The following GPR158 variants were observed in gnomAD, a reference collection of about 807,000 sequenced individuals.
GPR158 encodes the protein G protein-coupled receptor 158.
A neutral mutation model predicts 78.2 loss-of-function variants in GPR158; 30 were observed. The ratio of observed to expected loss-of-function variants is 0.38; its 90% confidence interval spans 0.29 to 0.52. GPR158 has a LOEUF of 0.52. Ranked by LOEUF, GPR158 falls within the 20% of genes least tolerant of loss-of-function variation. The probability of loss-of-function intolerance (pLI) is 0.83; values close to 1 mark genes in which losing one functional copy is unlikely to be tolerated. For missense variants in GPR158, 1,463 were observed against 1,523.5 expected (o/e 0.96, Z 0.66); for synonymous variants, 581 against 591.1 (o/e 0.98, Z 0.25).
intron 4 of GPR158, among the ~76,000 whole-genome samples, chr10:25,431,069 A>T (rs1002318382): frequency 7.0e-6 from 1 of 142,926 alleles, no homozygotes; most frequent in African/African-American, 2.6e-5. Context: ...ATCAGAGTGA[A>T]CAGGCAACCT....
chr10:25,326,027 T>C (rs1855025823), intron 2 of GPR158, among the ~76,000 whole-genome samples: 1 of 152,292 alleles, frequency 6.6e-6, no homozygotes, highest in East Asian at 1.9e-4. Flanking sequence ...TGTGCCATGA[T>C]GGTTTGCTGC....
At chr10:25,410,681 A>G (rs1834571410) in intron 3 of GPR158, among the ~76,000 whole-genome samples, 1 of 152,198 alleles carries the variant, frequency 6.6e-6, no homozygotes, top group South Asian at 2.1e-4. Flanking sequence ...ATAAATAAGT[A>G]AACTAAGACC....
At chr10:25,294,305 C>T (rs947557778) in intron 2 of GPR158, among the ~76,000 whole-genome samples, 1 of 151,876 alleles carries the variant, frequency 6.6e-6, no homozygotes, top group Non-Finnish European at 1.5e-5. Context: ...TGAGTCATAA[C>T]CATGTAACAG....
At chr10:25,433,609 G>A (rs1360504829) in intron 4 of GPR158, among the ~76,000 whole-genome samples, 1 of 151,558 alleles carries the variant, frequency 6.6e-6, no homozygotes, top group Non-Finnish European at 1.5e-5. Flanking sequence ...GAATGTCAAG[G>A]TGGTGGTAAG....
At chr10:25,422,853 C>CCA (rs1554802455) in intron 4 of GPR158, among the ~76,000 whole-genome samples, 9 of 144,782 alleles carry the variant, frequency 6.2e-5, no homozygotes, top group Non-Finnish European at 3.0e-5. Context: ...TTCCCTTACC[C>CCA]CCCCCACACT....
chr10:25,332,806 T>C (rs896912263), intron 2 of GPR158, among the ~76,000 whole-genome samples: 1 of 152,204 alleles, frequency 6.6e-6, no homozygotes, highest in East Asian at 1.9e-4. Flanking sequence ...ACACTAATCT[T>C]AGAAATAACT....
At chr10:25,198,907 ACAT>A (rs1418605832) in intron 1 of GPR158, among the ~76,000 whole-genome samples, 7 of 151,942 alleles carry the variant, frequency 4.6e-5, no homozygotes, top group Non-Finnish European at 1.0e-4. Context: ...TTGAAGTCTG[ACAT>A]CATGATGACA....
intron 5 of GPR158, among the ~76,000 whole-genome samples, chr10:25,524,895 C>T (rs1836327744): frequency 6.6e-6 from 1 of 152,110 alleles, no homozygotes; most frequent in Non-Finnish European, 1.5e-5. Flanking sequence ...TGATAAGGGA[C>T]TTATATCCAG....
intron 5 of GPR158, among the ~76,000 whole-genome samples, chr10:25,485,221 G>A (rs1588883548): frequency 2.0e-5 from 3 of 151,990 alleles, no homozygotes; most frequent in African/African-American, 7.2e-5. Context: ...CACTGAAAAT[G>A]GTTGCAAGTA....
chr10:25,406,762 A>G (rs1018763445), intron 3 of GPR158, among the ~76,000 whole-genome samples: 2 of 152,156 alleles, frequency 1.3e-5, no homozygotes, highest in Non-Finnish European at 2.9e-5. Context: ...TCCAGTTTAC[A>G]AAACTGTATT....
chr10:25,303,945 C>T (rs1214621513), intron 2 of GPR158, among the ~76,000 whole-genome samples: 1 of 152,170 alleles, frequency 6.6e-6, no homozygotes, highest in Non-Finnish European at 1.5e-5. Context: ...AAATTCCTAT[C>T]TCCATCCCTG....
chr10:25,528,599 C>T (rs1329290597), intron 5 of GPR158, among the ~76,000 whole-genome samples: 1 of 152,100 alleles, frequency 6.6e-6, no homozygotes, highest in Admixed American at 6.6e-5. Context: ...AAGAAATCTA[C>T]ACTGACAACT....
chr10:25,573,663 C>T (rs1261385168), intron 7 of GPR158, among the ~76,000 whole-genome samples: 1 of 152,176 alleles, frequency 6.6e-6, no homozygotes, highest in Non-Finnish European at 1.5e-5. Context: ...CCTCAGTAAG[C>T]CACAGGACAA....
intron 6 of GPR158, among the ~76,000 whole-genome samples, chr10:25,562,685 G>A (rs992891923): frequency 4.6e-5 from 7 of 152,240 alleles, no homozygotes; most frequent in African/African-American, 1.4e-4. Context: ...TGGTTTTGTG[G>A]TCTAACATAT....
At chr10:25,502,486 G>C (rs1193100116) in intron 5 of GPR158, among the ~76,000 whole-genome samples, 3 of 152,170 alleles carry the variant, frequency 2.0e-5, no homozygotes, top group Non-Finnish European at 4.4e-5. Context: ...AAGGGGCAAG[G>C]TGGGACCACT....
At chr10:25,403,394 C>T (rs1834470653) in intron 3 of GPR158, among the ~76,000 whole-genome samples, 1 of 151,962 alleles carries the variant, frequency 6.6e-6, no homozygotes, top group Admixed American at 6.6e-5. Context: ...GTAACCTTCT[C>T]CCAATGTCCT....
At chr10:25,261,760 G>A (rs1478229339) in intron 2 of GPR158, among the ~76,000 whole-genome samples, 1 of 152,100 alleles carries the variant, frequency 6.6e-6, no homozygotes, top group African/African-American at 2.4e-5. Context: ...TAACCATTAT[G>A]ACTGCCATGG....
At chr10:25,180,251 G>A (rs1392735973) in intron 1 of GPR158, among the ~76,000 whole-genome samples, 1 of 152,136 alleles carries the variant, frequency 6.6e-6, no homozygotes, top group African/African-American at 2.4e-5. Context: ...AATACTTATT[G>A]AGCATCTATA....
chr10:25,502,142 A>G (rs1241924730), intron 5 of GPR158, among the ~76,000 whole-genome samples: 1 of 152,136 alleles, frequency 6.6e-6, no homozygotes, highest in Non-Finnish European at 1.5e-5. Context: ...GCTAGTTCCA[A>G]AGCAGGAATG....
Sources: allele counts gnomAD v4.1 joint callset (sites outside exome capture counted in the v4.1 genomes callset), GRCh38; gene constraint gnomAD v4.1.1; transcripts MANE v1.5; gene names NCBI Gene and HGNC (gene_info 2026-07-23, HGNC 2026-07-21).